RIOK2: variants seen among roughly 807,000 people sequenced by gnomAD.
RIOK2 encodes RIO kinase 2, also known as serine/threonine-protein kinase RIO2.
In RIOK2, 46 loss-of-function variants were observed where a neutral mutation model predicts 62.4. The ratio of observed to expected loss-of-function variants is 0.74; its 90% CI spans 0.58 to 0.94. RIOK2 has a LOEUF of 0.94. Ranked by LOEUF, RIOK2 falls within the 40% of genes least tolerant of loss-of-function variation. RIOK2 has a pLI of 0.00. For missense variants in RIOK2, 574 were observed against 658.0 expected, an observed-to-expected ratio of 0.87 and a Z score of 1.40; for synonymous variants, 197 against 216.0, an observed-to-expected ratio of 0.91 and a Z score of 0.77.
intron 1 of RIOK2, chr5:97,182,816 G>A: frequency 3.2e-6 from 1 of 313,188 alleles, no homozygotes; most frequent in Admixed American, 4.1e-5. Context: ...ACAGCTGGTC[G>A]GAAGCTCAGG....
intron 1 of RIOK2, 191 bp downstream of exon 1, chr5:97,182,935 G>C: frequency 4.3e-6 from 3 of 701,348 alleles, no homozygotes; most frequent in South Asian, 3.0e-5. Flanking sequence ...TGCTCTATCT[G>C]GGGGAAGGTA....
Position 97,173,209 on chromosome 5 carries a change from C to A in RIOK2, c.553G>T (p.Ala185Ser), listed in dbSNP as rs1277875634. 5.0e-6 allele frequency: 8 copies of A among 1,613,130 alleles called. No homozygotes were observed. The highest frequency in any genetic ancestry group is 5.1e-6 in the Non-Finnish European group (6 of 1,179,446). Reference protein sequence around the residue: ...VPKPIDYNRHAVVMELINGYP... With the variant: ...VPKPIDYNRHSVVMELINGYP... ...CCATTTATGAGTTCCATGACCACTG[C>A]ATGACGATTGTAATCAATTGGCTTT... Residue 185 changes from alanine (A) to serine (S), a missense_variant, in exon 5 of 10, where the codon GCA becomes TCA. By Grantham distance (99) the Ala-to-Ser change is moderately conservative (BLOSUM62 1). Transcript: ENST00000283109.
chr5:97,167,632 T>C lies in RIOK2; in HGVS notation c.1232A>G (p.Asn411Ser), dbSNP rs780926747. The change falls in exon 8 of 10, where the codon AAC becomes AGC. Residue 411 changes from asparagine to serine, a missense_variant. Physicochemically the swap from Asn to Ser is conservative, Grantham distance 46. Coordinates refer to ENST00000283109, the MANE Select transcript of RIOK2 (RefSeq NM_018343.3). Reference protein sequence around the residue: ...EEIKGQVVENNSVTEFSEEKN... With the variant: ...EEIKGQVVENSSVTEFSEEKN... ...CTCCTCAGAAAATTCAGTTACAGAG[T>C]TGTTTTCAACAACCTGCCCTTTTAT... The C allele has an allele frequency of 7.4e-6, 12 of 1,614,066 alleles. No homozygotes were observed. The highest frequency in any genetic ancestry group is 1.3e-5 in the African/African-American group (1 of 74,918).
Position 97,177,718 on chromosome 5 carries a change from C to T in RIOK2, c.322+14G>A. 2 of 1,439,550 alleles carry T rather than the reference C, an allele frequency of 1.4e-6. No individual in the cohort carries two copies. The highest frequency in any genetic ancestry group is 2.0e-6 in the Non-Finnish European group (2 of 1,021,998). 89.2% of individuals were successfully genotyped at this position (1,439,550 alleles called of 1,614,324 possible). On this transcript the variant is annotated intron_variant, in intron 3 of 9. Coordinates refer to ENST00000283109, the MANE Select transcript of RIOK2 (RefSeq NM_018343.3). ...AGCAAAGAAAATACTTTGCACAGTA[C>T]TATTAGCACTTACCTGATTCTTTGC...
chr5:97,182,074 T>A (rs1749428542), intron 1 of RIOK2, among the ~76,000 whole-genome samples: 2 of 152,300 alleles, frequency 1.3e-5, no homozygotes, highest in Non-Finnish European at 1.5e-5. Context: ...ACAATATAGG[T>A]AGTCCTTATC....
intron 1 of RIOK2, 141 bp from the exon 2 acceptor site, chr5:97,179,334 T>C (rs1223816340): frequency 8.5e-6 from 6 of 701,860 alleles, no homozygotes; most frequent in Non-Finnish European, 1.2e-5. Flanking sequence ...CTTCCGTCTC[T>C]TGAAAATATT....
chr5:97,169,174 C>A (rs748780055), intron 6 of RIOK2, among the ~76,000 whole-genome samples: 1 of 152,080 alleles, frequency 6.6e-6, no homozygotes, highest in African/African-American at 2.4e-5. Context: ...AGATAATGGG[C>A]CTATGGTTTG....
chr5:97,181,270 CAAA>C (rs149948595), intron 1 of RIOK2, among the ~76,000 whole-genome samples: 7 of 90,530 alleles, frequency 7.7e-5, no homozygotes, highest in Admixed American at 1.3e-4. Context: ...GACTCCGTCT[CAAA>C]AAAAAAAAAA....
At chr5:97,176,006 A>G (rs770111821) in intron 4 of RIOK2, 1 of 152,132 alleles carries the variant, frequency 6.6e-6, no homozygotes, top group East Asian at 1.9e-4. Context: ...TCAAGTTCCA[A>G]TATTTGGGGA....
Position 97,162,847 on chromosome 5 carries a change from A to G in RIOK2, c.*214T>C, listed in dbSNP as rs1748738716. On this transcript the variant is annotated 3_prime_UTR_variant, in exon 10 of 10. Coordinates refer to ENST00000283109, the MANE Select transcript of RIOK2 (RefSeq NM_018343.3). ...CAAATGTCTCTAATAAAGTTACGTA[A>G]CTGTAGTTACCCAAATTACTTTGAA... 6 of 489,196 alleles carry G rather than the reference A, an allele frequency of 1.2e-5. No homozygotes were observed. In the East Asian group the frequency reaches 2.0e-4, roughly 17 times the overall value. 30.3% of individuals were successfully genotyped at this position (489,196 alleles called of 1,614,324 possible).
chr5:97,183,150 T>G lies in RIOK2; in HGVS notation c.42A>C (p.Arg14=). The G allele has an allele frequency of 6.2e-7, 1 of 1,614,100 alleles. No individual in the cohort carries two copies. Among genetic ancestry groups the G allele is most frequent in the Non-Finnish European group, 8.5e-7 (1 of 1,179,988 alleles). ...CCGCGGTCAAGACCCTGAAGTCATCTCGGCTCATGTAACGCAACTTGGCCA... is the reference window on the plus strand; with the variant it reads ...CCGCGGTCAAGACCCTGAAGTCATCGCGGCTCATGTAACGCAACTTGGCCA... The part of the protein sequence containing the change: ...VNVAKLRYMS[R]DDFRVLTAVE... The change falls in exon 1 of 10, where the codon CGA becomes CGC. Residue 14 remains arginine, a synonymous_variant. Transcript: ENST00000283109.
At chr5:97,182,778 CGGGG>C (rs70981870) in intron 1 of RIOK2, 156 of 113,832 alleles carry the variant, frequency 1.4e-3, no homozygotes, top group South Asian at 4.3e-3. Context: ...TATCAAATCT[CGGGG>C]GGGGGGGGGG....
chr5:97,173,981 T>C (rs548094467), intron 4 of RIOK2, among the ~76,000 whole-genome samples: 1 of 152,354 alleles, frequency 6.6e-6, no homozygotes, highest in Non-Finnish European at 1.5e-5. Flanking sequence ...TGGCAAAAAC[T>C]GCAATTACTT....
chr5:97,171,373 A>T lies in RIOK2; in HGVS notation c.612T>A (p.Asp204Glu). The change falls in exon 6 of 10, where the codon GAT becomes GAA. Residue 204 changes from aspartate to glutamate, a missense_variant. By Grantham distance (45) the Asp-to-Glu change is conservative (BLOSUM62 2). Transcript: ENST00000283109. Reference protein sequence around the residue: ...YPLCQIHHVEDPASVYDEAME... With the variant: ...YPLCQIHHVEEPASVYDEAME... ...TAGCTTCATCATATACTGATGCAGG[A>T]TCTTCAACATGGTGTATCTGACATC... 6.4e-7 allele frequency: 1 copy of T among 1,552,454 alleles called. No homozygotes were observed. Among genetic ancestry groups the T allele is most frequent in the Non-Finnish European group, 8.7e-7 (1 of 1,149,248 alleles).
Position 97,163,196 on chromosome 5 carries a change from C to T in RIOK2, c.1524G>A (p.Gln508=). The change falls in exon 10 of 10, where the codon CAG becomes CAA. Residue 508 remains glutamine (Q), a synonymous_variant. Transcript: ENST00000283109. ...CAGCTGATTTTTGCTGTTTTGTCAACTGACGTTTCACCTTCTGTTTCACCA... is the reference window on the plus strand; with the variant it reads ...CAGCTGATTTTTGCTGTTTTGTCAATTGACGTTTCACCTTCTGTTTCACCA... The part of the protein sequence containing the change: ...PELVKQKVKR[Q]LTKQQKSAVR... The T allele has an allele frequency of 6.2e-7, 1 of 1,613,640 alleles. No homozygotes were observed. Among genetic ancestry groups the T allele is most frequent in the Middle Eastern group, 1.7e-4 (1 of 6,054 alleles).
chr5:97,179,297 T>C, intron 1 of RIOK2, 104 bp from the exon 2 acceptor site: 1 of 985,910 alleles, frequency 1.0e-6, no homozygotes. Context: ...ACTATGCAGT[T>C]CTCCAACTAA....
Position 97,183,136 on chromosome 5 carries a change from A to G in RIOK2, c.56T>C (p.Val19Ala), listed in dbSNP as rs1368636532. ...LRYMSRDDFR[V>A]LTAVEMGMKN... Reference sequence around the variant, plus strand: ...CGGCGGGTTTCTTACCGCGGTCAAGACCCTGAAGTCATCTCGGCTCATGTA... The same window carrying G: ...CGGCGGGTTTCTTACCGCGGTCAAGGCCCTGAAGTCATCTCGGCTCATGTA... The change falls in exon 1 of 10, where the codon GTC becomes GCC. Residue 19 changes from valine (V) to alanine (A), a missense_variant. Transcript: ENST00000283109. 1.2e-6 allele frequency: 2 copies of G among 1,614,044 alleles called. No individual in the cohort carries two copies. The highest frequency in any genetic ancestry group is 4.5e-5 in the East Asian group (2 of 44,854).
At chr5:97,177,673 G>A in intron 3 of RIOK2, 59 bp downstream of exon 3, 1 of 1,065,570 alleles carries the variant, frequency 9.4e-7, no homozygotes, top group Non-Finnish European at 1.4e-6. Context: ...AAAGGTTTCT[G>A]AAGGGAAAAC....
chr5:97,180,029 T>TATATATATA (rs1749328302), intron 1 of RIOK2, among the ~76,000 whole-genome samples: 2 of 68,546 alleles, frequency 2.9e-5, no homozygotes, highest in African/African-American at 5.6e-5. Flanking sequence ...ATATATATAA[T>TATATATATA]ATATATATTA....
Sources: allele counts gnomAD v4.1 joint callset (sites outside exome capture counted in the v4.1 genomes callset), GRCh38; gene constraint gnomAD v4.1.1; transcripts MANE v1.5; gene names NCBI Gene and HGNC (gene_info 2026-07-23, HGNC 2026-07-21).